The following UGT2A1 variants were observed in gnomAD, a reference collection of about 807,000 sequenced individuals.
UGT2A1 encodes UDP glucuronosyltransferase family 2 member A1 complex locus.
Under a neutral mutation model 45.4 loss-of-function variants are expected in UGT2A1, and 61 were observed. That is an observed-to-expected ratio of 1.34 (90% CI 1.09 to 1.66). The LOEUF is 1.66. UGT2A1 is among the 40% of genes most tolerant of loss of function. The pLI, the probability that UGT2A1 is intolerant of heterozygous loss-of-function variation, is 0.00. For synonymous variants in UGT2A1, 229 were observed against 196.2 expected (o/e 1.17, Z -1.40); for missense variants, 649 against 574.3 (o/e 1.13, Z -1.33).
chr4:69,608,050 T>A (rs933119527), intron 3 of UGT2A1, among the ~76,000 whole-genome samples: 1 of 152,092 alleles, frequency 6.6e-6, no homozygotes, highest in Non-Finnish European at 1.5e-5. Flanking sequence ...TACCATTTGA[T>A]CCAGCCATCC....
chr4:69,630,824 G>A (rs192520631), intron 3 of UGT2A1, among the ~76,000 whole-genome samples: 51 of 152,004 alleles, frequency 3.4e-4, no homozygotes, highest in African/African-American at 1.2e-3. Context: ...CAAGTCTCCA[G>A]CACACCCACA....
chr4:69,607,897 G>A (rs7669007), intron 3 of UGT2A1, among the ~76,000 whole-genome samples: 22,335 of 152,000 alleles, frequency 0.15, 1,879 homozygotes, highest in Non-Finnish European at 0.19. Flanking sequence ...TTAGAATGGC[G>A]ATCATTAAAA....
intron 2 of UGT2A1, among the ~76,000 whole-genome samples, chr4:69,644,894 A>C (rs1367910469): frequency 6.6e-6 from 1 of 151,862 alleles, no homozygotes; most frequent in African/African-American, 2.4e-5. Flanking sequence ...TGATTGATAC[A>C]TATCAACTTT....
At chr4:69,634,523 C>G (rs2109961072) in intron 3 of UGT2A1, among the ~76,000 whole-genome samples, 1 of 152,014 alleles carries the variant, frequency 6.6e-6, no homozygotes, top group Admixed American at 6.5e-5. Context: ...AGTTTAGTTG[C>G]AGACAAGTTG....
chr4:69,629,323 T>A (rs777483181), intron 3 of UGT2A1, among the ~76,000 whole-genome samples: 1 of 152,034 alleles, frequency 6.6e-6, no homozygotes, highest in Non-Finnish European at 1.5e-5. Flanking sequence ...ATTTCTCAAC[T>A]TGTACATTCC....
intron 3 of UGT2A1, among the ~76,000 whole-genome samples, chr4:69,616,274 A>G (rs1031451120): frequency 6.6e-6 from 1 of 151,942 alleles, no homozygotes; most frequent in Non-Finnish European, 1.5e-5. Flanking sequence ...CATGATTAAT[A>G]GCTACAAAAA....
chr4:69,652,039 T>G (rs1722548517), intron 1 of UGT2A1, among the ~76,000 whole-genome samples: 1 of 152,150 alleles, frequency 6.6e-6, no homozygotes, highest in Non-Finnish European at 1.5e-5. Flanking sequence ...GCCTTTAAAA[T>G]AAACTTCCGC....
intron 6 of UGT2A1, among the ~76,000 whole-genome samples, chr4:69,593,079 G>A (rs1718681017): frequency 6.6e-6 from 1 of 152,066 alleles, no homozygotes; most frequent in Non-Finnish European, 1.5e-5. Context: ...CTGAAGGAAA[G>A]AAAGCAAGAG....
At chr4:69,626,033 C>A (rs1049528498) in intron 3 of UGT2A1, among the ~76,000 whole-genome samples, 2 of 151,532 alleles carry the variant, frequency 1.3e-5, no homozygotes, top group African/African-American at 4.8e-5. Context: ...TCATGTATGT[C>A]ATGACTGTGA....
intron 3 of UGT2A1, among the ~76,000 whole-genome samples, chr4:69,607,038 T>G (rs1422283464): frequency 7.5e-6 from 1 of 133,726 alleles, no homozygotes; most frequent in Non-Finnish European, 1.6e-5. Context: ...AAACTACCAA[T>G]GACTTTCTTC....
chr4:69,608,599 G>A (rs1719829950), intron 3 of UGT2A1, among the ~76,000 whole-genome samples: 1 of 151,806 alleles, frequency 6.6e-6, no homozygotes, highest in African/African-American at 2.4e-5. Flanking sequence ...TAGGTAGGCT[G>A]AGAGGGAGTC....
chr4:69,613,039 A>T (rs1013003890), intron 3 of UGT2A1, among the ~76,000 whole-genome samples: 2 of 136,216 alleles, frequency 1.5e-5, no homozygotes, highest in African/African-American at 2.9e-5. Context: ...ACAAGCAAAA[A>T]ACAAATAACC....
intron 3 of UGT2A1, among the ~76,000 whole-genome samples, chr4:69,632,404 T>G (rs941533899): frequency 2.6e-5 from 4 of 152,076 alleles, no homozygotes; most frequent in Non-Finnish European, 4.4e-5. Context: ...TGAAGTTGAG[T>G]TGCTGATGAT....
intron 3 of UGT2A1, among the ~76,000 whole-genome samples, chr4:69,618,117 A>G (rs758455769): frequency 6.6e-6 from 1 of 151,824 alleles, no homozygotes; most frequent in Non-Finnish European, 1.5e-5. Context: ...ATAGATATTT[A>G]GTATCCGTGT....
At chr4:69,599,583 G>T in intron 3 of UGT2A1, 189 bp from the exon 4 acceptor site, 1 of 813,898 alleles carries the variant, frequency 1.2e-6, no homozygotes, top group Non-Finnish European at 1.7e-6. Context: ...GAAGGAGGAA[G>T]GAAGAAAAGA....
At position 69,646,991 on chromosome 4, in the gene UGT2A1, T is replaced by C. The variant is rs1242510514; in HGVS notation, c.654A>G (p.Leu218=). Residue 218 remains leucine (L), a synonymous_variant, in exon 2 of 7, where the codon CTA becomes CTG. Transcript: ENST00000286604. Reference sequence around the variant, plus strand: ...AAAGAGTTTCAAACATGTAGTCCTGTAGGTGGTAGGAGATGAAATTTCTTA... The same window carrying C: ...AAAGAGTTTCAAACATGTAGTCCTGCAGGTGGTAGGAGATGAAATTTCTTA... ...DRIRNFISYH[L]QDYMFETLWK... is the part of the protein sequence containing the mutation. The C allele has an allele frequency of 6.2e-6, 10 of 1,611,540 alleles. No homozygotes were observed. In the African/African-American group the frequency reaches 6.7e-5, roughly 11 times the overall value.
In UGT2A1 at chr4:69,615,536, G is replaced by A. The variant is rs191415651; in HGVS notation, c.848-16142C>T. Among the ~76,000 whole-genome samples the A allele has an allele frequency of 7.1e-4, 108 of 152,118 alleles. 1 individual carries two copies. Among genetic ancestry groups the A allele is most frequent in the African/African-American group, 2.4e-3 (101 of 41,542 alleles). On this transcript the variant is annotated intron_variant, in intron 3 of 6. Coordinates refer to ENST00000286604, the MANE Select transcript of UGT2A1 (RefSeq NM_001252275.3). ...TCAAACAATTCAAAAAGAAAAGAATGAGTAATCAAAAAGAAATGGATAAAA... is the reference window on the plus strand; with the variant it reads ...TCAAACAATTCAAAAAGAAAAGAATAAGTAATCAAAAAGAAATGGATAAAA...
intron 1 of UGT2A1, among the ~76,000 whole-genome samples, chr4:69,651,252 G>C (rs998538286): frequency 6.6e-6 from 1 of 152,132 alleles, no homozygotes; most frequent in Admixed American, 6.6e-5. Context: ...ATGTGGGTCT[G>C]AATTTGTGTT....
At chr4:69,628,038 C>T (rs186708045) in intron 3 of UGT2A1, among the ~76,000 whole-genome samples, 29 of 151,968 alleles carry the variant, frequency 1.9e-4, no homozygotes, top group African/African-American at 6.7e-4. Flanking sequence ...TCTCACTTGT[C>T]TGTTTTTGCT....
Sources: gnomAD v4.1 joint callset for allele counts (sites outside exome capture counted in the v4.1 genomes callset) on GRCh38, gnomAD v4.1.1 for gene constraint, MANE v1.5 for transcripts, NCBI Gene and HGNC (gene_info 2026-07-23, HGNC 2026-07-21) for gene names.